The following YARS1 variants were observed in gnomAD, a reference collection of about 807,000 sequenced individuals.
YARS1 encodes the protein tyrosine--tRNA ligase, cytoplasmic.
Under a neutral mutation model 62.2 loss-of-function variants are expected in YARS1, and 36 were observed. The ratio of observed to expected loss-of-function variants is 0.58; its 90% CI spans 0.44 to 0.76. The LOEUF (loss-of-function observed/expected upper bound fraction) is 0.76. YARS1 is among the 30% of genes least tolerant of loss of function. YARS1 has a pLI of 0.00. For missense variants in YARS1, 524 were observed against 639.8 expected, an observed-to-expected ratio of 0.82 and a Z score of 1.95; for synonymous variants, 234 against 244.9, an observed-to-expected ratio of 0.96 and a Z score of 0.42.
intron 4 of YARS1, among the ~76,000 whole-genome samples, chr1:32,805,824 A>G (rs914574724): frequency 2.0e-5 from 3 of 152,092 alleles, no homozygotes; most frequent in Admixed American, 6.6e-5. Flanking sequence ...TCAGCCGGGC[A>G]TGGTGGCAGG....
In YARS1 at chr1:32,779,584, G is replaced by GC. The variant is rs1237918683; in HGVS notation, c.1335-62dup. 7 of 1,611,396 alleles carry GC rather than the reference G, an allele frequency of 4.3e-6. No homozygotes were observed. The East Asian group carries it at 6.7e-5, about 15-fold the overall frequency. ...TGGATGGGTTCCAGTGACTGTGGAG[G>GC]CCAAAGCAATCCGGGCCTTTACACA... On this transcript the variant is annotated intron_variant, in intron 11 of 12. Transcript: ENST00000373477.
rs1364724938 is a variant in YARS1 at position 32,786,068 on chromosome 1, T to C, written c.906+294A>G. 2.6e-5 allele frequency among the ~76,000 whole-genome samples: 4 copies of C among 152,096 alleles called. No individual in the cohort carries two copies. In the East Asian group the frequency reaches 5.8e-4, roughly 22 times the overall value. Reference sequence around the variant, plus strand: ...ACAGACATTTACTGATAAGAAATGTTTCCTGAGAAGAGGTGAGACAGAGTC... The same window carrying C: ...ACAGACATTTACTGATAAGAAATGTCTCCTGAGAAGAGGTGAGACAGAGTC... On this transcript the variant is annotated intron_variant, in intron 8 of 12. Coordinates refer to ENST00000373477, the MANE Select transcript of YARS1 (RefSeq NM_003680.4).
Position 32,817,324 on chromosome 1 carries a change from A to T in YARS1, c.-80T>A. On this transcript the variant is annotated 5_prime_UTR_variant, in exon 1 of 13. Transcript: ENST00000373477. ...GTCACCGTCGCCGCCGCGTGCCGGG[A>T]ACTGTCACGCGAGTCCAGCCAGGTT... 1 of 1,569,170 alleles carries T rather than the reference A, an allele frequency of 6.4e-7. No homozygotes were observed. The highest frequency in any genetic ancestry group is 8.7e-7 in the Non-Finnish European group (1 of 1,145,092).
chr1:32,793,458 C>T (rs547224452), intron 5 of YARS1, among the ~76,000 whole-genome samples: 1 of 152,210 alleles, frequency 6.6e-6, no homozygotes, highest in South Asian at 2.1e-4. Context: ...GCTTGGCCAA[C>T]ATGGTGAAAT....
At chr1:32,782,594 C>T in intron 8 of YARS1, 55 bp from the exon 9 acceptor site, 1 of 1,610,568 alleles carries the variant, frequency 6.2e-7, no homozygotes, top group Non-Finnish European at 8.5e-7. Context: ...GCACAGGACA[C>T]CTGAATCCAA....
intron 8 of YARS1, among the ~76,000 whole-genome samples, chr1:32,784,890 C>T (rs574818899): frequency 7.6e-4 from 115 of 152,264 alleles, no homozygotes; most frequent in Non-Finnish European, 1.4e-3. Flanking sequence ...AACACATGGG[C>T]ACCTAGTAAG....
At chr1:32,817,105 T>A in intron 1 of YARS1, 83 bp downstream of exon 1, 1 of 1,568,788 alleles carries the variant, frequency 6.4e-7, no homozygotes, top group Non-Finnish European at 8.8e-7. Flanking sequence ...CCCCACATAC[T>A]TAGAACCCCG....
chr1:32,812,912 G>A (rs1429878514), intron 1 of YARS1, among the ~76,000 whole-genome samples: 1 of 146,804 alleles, frequency 6.8e-6, no homozygotes, highest in Non-Finnish European at 1.5e-5. Context: ...AGGTTGCAGT[G>A]AGCCAATATT....
chr1:32,788,427 A>T (rs946690769), intron 6 of YARS1, among the ~76,000 whole-genome samples: 4 of 151,614 alleles, frequency 2.6e-5, no homozygotes, highest in African/African-American at 7.3e-5. Flanking sequence ...ATTTTTATTT[A>T]TTTATTTATT....
At chr1:32,792,086 G>C (rs114691484) in intron 5 of YARS1, among the ~76,000 whole-genome samples, 106 of 152,304 alleles carry the variant, frequency 7.0e-4, no homozygotes, top group African/African-American at 2.4e-3. Flanking sequence ...ACTCATAGCT[G>C]TGTATGCACA....
intron 4 of YARS1, among the ~76,000 whole-genome samples, chr1:32,799,296 G>A (rs900852909): frequency 3.5e-4 from 53 of 152,152 alleles, no homozygotes; most frequent in African/African-American, 1.2e-3. Context: ...ACCATGAAAT[G>A]TCATGCTAGG....
intron 11 of YARS1, 159 bp from the exon 12 acceptor site, chr1:32,779,682 G>T: frequency 1.1e-6 from 1 of 894,842 alleles, no homozygotes; most frequent in Non-Finnish European, 1.7e-6. Context: ...CTACATCCCT[G>T]CATATCACCA....
Position 32,782,384 on chromosome 1 carries a change from C to G in YARS1, c.1042+20G>C. The G allele has an allele frequency of 6.2e-7, 1 of 1,613,898 alleles. No individual in the cohort carries two copies. The highest frequency in any genetic ancestry group is 8.5e-7 in the Non-Finnish European group (1 of 1,179,872). ...AGCTCTCTCTCCTGATGATGTCGGCCCCTCTCCAGCTGGCCTTACTCTGCT... is the reference window on the plus strand; with the variant it reads ...AGCTCTCTCTCCTGATGATGTCGGCGCCTCTCCAGCTGGCCTTACTCTGCT... On this transcript the variant is annotated intron_variant, in intron 9 of 12. Transcript: ENST00000373477.
At chr1:32,788,867 C>T (rs185768796) in intron 6 of YARS1, among the ~76,000 whole-genome samples, 2 of 152,166 alleles carry the variant, frequency 1.3e-5, no homozygotes, top group Non-Finnish European at 2.9e-5. Context: ...CTCTGTTGCC[C>T]TGGCTGGAGT....
intron 1 of YARS1, chr1:32,811,392 G>A (rs1638582102): frequency 2.6e-6 from 1 of 379,412 alleles, no homozygotes; most frequent in Admixed American, 3.7e-5. Flanking sequence ...AGATATTGTG[G>A]AAAGCTATAG....
At position 32,776,833 on chromosome 1, in the gene YARS1, G is replaced by A. The variant is rs1455578180; in HGVS notation, c.1477-742C>T. Among the ~76,000 whole-genome samples, 2 of 151,922 alleles carry A rather than the reference G, an allele frequency of 1.3e-5. No homozygotes were observed. The highest frequency in any genetic ancestry group is 4.8e-5 in the African/African-American group (2 of 41,408). The stretch of plus-strand genomic sequence containing the variant: ...TACAAAAAATTAGCCGGGTGTGGTG[G>A]TGGGGCGCCTGTAGTCCCAGCTACT... On this transcript the variant is annotated intron_variant, in intron 12 of 12. Coordinates refer to ENST00000373477, the MANE Select transcript of YARS1 (RefSeq NM_003680.4). This position sits in a 1 kb window ranked among gnomAD's most constrained non-coding sequence, Gnocchi z 4.0.
chr1:32,813,092 C>T (rs552353371), intron 1 of YARS1, among the ~76,000 whole-genome samples: 1 of 152,140 alleles, frequency 6.6e-6, no homozygotes, highest in South Asian at 2.1e-4. Flanking sequence ...TCTTTGAATC[C>T]ACCTAGAACC....
At chr1:32,808,776 G>A (rs904031084) in intron 3 of YARS1, among the ~76,000 whole-genome samples, 1 of 152,128 alleles carries the variant, frequency 6.6e-6, no homozygotes, top group Admixed American at 6.6e-5. Context: ...CATTCAAATT[G>A]AAACCCCCCG....
At chr1:32,782,340 T>G in intron 9 of YARS1, 64 bp downstream of exon 9, 1 of 1,613,238 alleles carries the variant, frequency 6.2e-7, no homozygotes, top group Middle Eastern at 1.8e-4. Context: ...GACAGGCATT[T>G]TTCCAAGGCT....
Sources: allele counts gnomAD v4.1 joint callset (sites outside exome capture counted in the v4.1 genomes callset), GRCh38; gene constraint gnomAD v4.1.1; non-coding constraint Gnocchi (gnomAD v3.1); transcripts MANE v1.5; gene names NCBI Gene and HGNC (gene_info 2026-07-23, HGNC 2026-07-21).